Variants in DYRK1A observed in about 807,000 individuals in gnomAD.
The protein encoded by DYRK1A is dual specificity tyrosine-phosphorylation-regulated kinase 1A.
Under a neutral mutation model 79.7 loss-of-function variants are expected in DYRK1A, and 9 were observed. The ratio of observed to expected loss-of-function variants is 0.11; its 90% confidence interval spans 0.07 to 0.20. The LOEUF is 0.20. Among genes scored for constraint, DYRK1A ranks in the 10% least tolerant of loss-of-function variants. The pLI, the probability that DYRK1A is intolerant of heterozygous loss-of-function variation, is 1.00. For synonymous variants in DYRK1A, 349 were observed against 329.7 expected (o/e 1.06, Z -0.63); for missense variants, 622 against 956.0 (o/e 0.65, Z 4.61).
intron 2 of DYRK1A, among the ~76,000 whole-genome samples, chr21:37,438,855 A>G (rs527914052): frequency 2.0e-5 from 3 of 152,288 alleles, no homozygotes; most frequent in Non-Finnish European, 2.9e-5. Context: ...AATTTCTTCA[A>G]TAAAGTTTGC....
intron 11 of DYRK1A, 131 bp from the exon 12 acceptor site, chr21:37,511,780 C>T (rs1454954518): frequency 1.9e-6 from 2 of 1,078,682 alleles, no homozygotes; most frequent in Non-Finnish European, 2.6e-6. Context: ...TGTCTTAACA[C>T]ATTAAAAGTT....
At chr21:37,392,236 CT>C (rs2049883978) in intron 1 of DYRK1A, among the ~76,000 whole-genome samples, 1 of 152,170 alleles carries the variant, frequency 6.6e-6, no homozygotes, top group Non-Finnish European at 1.5e-5. Flanking sequence ...GGCAAGTCTT[CT>C]GTAACCTGAC....
intron 1 of DYRK1A, among the ~76,000 whole-genome samples, chr21:37,414,239 TTC>T (rs2050295085): frequency 7.0e-6 from 1 of 143,724 alleles, no homozygotes; most frequent in Non-Finnish European, 1.5e-5. Flanking sequence ...AGTGGATTTT[TTC>T]TCTGTTTTTC....
rs1007581882 is a variant in DYRK1A, at chr21:37,522,257, C to T, written c.*9726C>T. 9.2e-5 allele frequency: 14 copies of T among 152,228 alleles called. No homozygotes were observed. Among genetic ancestry groups the T allele is most frequent in the African/African-American group, 3.1e-4 (13 of 41,438 alleles). The allele number at this position is 152,228 out of a possible 1,614,324, so 9.4% of individuals were successfully genotyped here. On this transcript the variant is annotated 3_prime_UTR_variant, in exon 12 of 12. Coordinates refer to ENST00000647188, the MANE Select transcript of DYRK1A (RefSeq NM_001347721.2). The stretch of plus-strand genomic sequence containing the variant: ...CAAAATCTCAGGCCCCAGCCCAGAC[C>T]ACTGGATGAGAATCTGCATTTGAAC...
At chr21:37,395,710 T>C (rs2049948758) in intron 1 of DYRK1A, among the ~76,000 whole-genome samples, 1 of 152,188 alleles carries the variant, frequency 6.6e-6, no homozygotes, top group African/African-American at 2.4e-5. Context: ...GGATGTGATT[T>C]TGGCTATATT....
chr21:37,454,780 G>A (rs1045604558), intron 2 of DYRK1A, among the ~76,000 whole-genome samples: 1 of 152,072 alleles, frequency 6.6e-6, no homozygotes, highest in Non-Finnish European at 1.5e-5. Flanking sequence ...TATGTGCTGC[G>A]GAAAACCAGA....
intron 2 of DYRK1A, among the ~76,000 whole-genome samples, chr21:37,435,484 A>G (rs577621427): frequency 6.6e-6 from 1 of 152,362 alleles, no homozygotes; most frequent in African/African-American, 2.4e-5. Flanking sequence ...ATAAGGCTTT[A>G]ATTGCTCTGT....
At chr21:37,408,847 G>A (rs554562888) in intron 1 of DYRK1A, among the ~76,000 whole-genome samples, 1 of 152,352 alleles carries the variant, frequency 6.6e-6, no homozygotes, top group African/African-American at 2.4e-5. Flanking sequence ...ACAGTCAGCT[G>A]TAGTTGAGAC....
chr21:37,391,654 C>A (rs2049872438), intron 1 of DYRK1A, among the ~76,000 whole-genome samples: 1 of 152,192 alleles, frequency 6.6e-6, no homozygotes, highest in Admixed American at 6.5e-5. Context: ...AGCCTATAAT[C>A]TTCCACGATT....
intron 5 of DYRK1A, 69 bp from the exon 6 acceptor site, chr21:37,486,398 G>A: frequency 2.6e-6 from 3 of 1,175,732 alleles, no homozygotes; most frequent in South Asian, 2.1e-5. Context: ...TTATAATTAA[G>A]GTGAATTATA....
At chr21:37,419,926 G>C (rs2050432010) in intron 1 of DYRK1A, 1 of 152,830 alleles carries the variant, frequency 6.5e-6, no homozygotes, top group Non-Finnish European at 1.5e-5. Context: ...TACTATGAAA[G>C]TGAATTCGTG....
chr21:37,423,666 C>T (rs2050537576), intron 2 of DYRK1A, among the ~76,000 whole-genome samples: 1 of 152,034 alleles, frequency 6.6e-6, no homozygotes, highest in Non-Finnish European at 1.5e-5. Flanking sequence ...AAGGGGCTGC[C>T]ATTCTTTGTT....
chr21:37,444,867 T>TGGGTGAAGGGGCTGACAGTC (rs1319023789), intron 2 of DYRK1A, among the ~76,000 whole-genome samples: 3 of 152,214 alleles, frequency 2.0e-5, no homozygotes, highest in Admixed American at 2.0e-4. Flanking sequence ...AGCAGTTAGT[T>TGGGTGAAGGGGCTGACAGTC]GGGTGAAGGG....
intron 1 of DYRK1A, among the ~76,000 whole-genome samples, chr21:37,387,972 C>G (rs1263126545): frequency 1.3e-5 from 2 of 152,082 alleles, no homozygotes; most frequent in African/African-American, 4.8e-5. Flanking sequence ...GCTCCTTGTA[C>G]TCATCATTCA....
chr21:37,403,634 TA>T (rs11349987), intron 1 of DYRK1A, among the ~76,000 whole-genome samples: 11,010 of 119,258 alleles, frequency 0.092, 705 homozygotes, highest in South Asian at 0.19. Context: ...CTCAGCTAAT[TA>T]AAAAAAAAAA....
Position 37,519,137 on chromosome 21 carries a change from A to G in DYRK1A, c.*6606A>G, listed in dbSNP as rs2053910057. 1.3e-5 allele frequency: 2 copies of G among 152,166 alleles called. No homozygotes were observed. The highest frequency in any genetic ancestry group is 2.1e-4 in the South Asian group (1 of 4,826). 9.4% of individuals were successfully genotyped at this position (152,166 alleles called of 1,614,324 possible). On this transcript the variant is annotated 3_prime_UTR_variant, in exon 12 of 12. Transcript: ENST00000647188. ...CATCCTATTCATTAATAGCTCTCAG[A>G]TGTCCCATGAGAATGGCACATGTTA...
At chr21:37,483,687 A>G (rs2052742572) in intron 5 of DYRK1A, among the ~76,000 whole-genome samples, 1 of 151,960 alleles carries the variant, frequency 6.6e-6, no homozygotes, top group Non-Finnish European at 1.5e-5. Flanking sequence ...GGTTCAAGTG[A>G]TCCTCCCACT....
chr21:37,369,145 C>G (rs2049379468), intron 1 of DYRK1A, among the ~76,000 whole-genome samples: 1 of 152,178 alleles, frequency 6.6e-6, no homozygotes, highest in Admixed American at 6.5e-5. Context: ...AAGGGTTCCT[C>G]TGTGACCCTT....
At chr21:37,447,851 G>T (rs1260488208) in intron 2 of DYRK1A, among the ~76,000 whole-genome samples, 2 of 151,732 alleles carry the variant, frequency 1.3e-5, no homozygotes, top group Non-Finnish European at 3.0e-5. Context: ...TGGGGAACTT[G>T]TGCTTTTAAG....
Sources: gnomAD v4.1 joint callset for allele counts (sites outside exome capture counted in the v4.1 genomes callset) on GRCh38, gnomAD v4.1.1 for gene constraint, MANE v1.5 for transcripts, NCBI Gene and HGNC (gene_info 2026-07-23, HGNC 2026-07-21) for gene names.